Variants in SUGCT observed in about 807,000 individuals in gnomAD.
SUGCT encodes the protein succinyl-CoA:glutarate CoA-transferase.
SUGCT carries 41 observed loss-of-function variants against 55.0 expected under a neutral mutation model. The ratio of observed to expected loss-of-function variants is 0.74; its 90% confidence interval spans 0.58 to 0.97. The LOEUF (loss-of-function observed/expected upper bound fraction) is 0.97. SUGCT is among the 50% of genes least tolerant of loss of function. The pLI is 0.00. For missense variants in SUGCT, 568 were observed against 547.8 expected, an observed-to-expected ratio of 1.04 and a Z score of -0.37; for synonymous variants, 187 against 200.4, an observed-to-expected ratio of 0.93 and a Z score of 0.56.
intron 9 of SUGCT, among the ~76,000 whole-genome samples, chr7:40,335,197 G>A: frequency 6.6e-6 from 1 of 152,208 alleles, no homozygotes; most frequent in Non-Finnish European, 1.5e-5. Context: ...GATGCCTCTA[G>A]CTTTGTTCTT....
At chr7:40,850,730 T>C (rs549664940) in intron 13 of SUGCT, among the ~76,000 whole-genome samples, 1 of 152,356 alleles carries the variant, frequency 6.6e-6, no homozygotes, top group East Asian at 1.9e-4. Context: ...TTCCTTCCTT[T>C]TCCCTTCACT....
the SUGCT span, among the ~76,000 whole-genome samples, chr7:41,024,344 A>G: frequency 6.6e-6 from 1 of 152,230 alleles, no homozygotes; most frequent in Admixed American, 6.5e-5. Context: ...AGAATGATTA[A>G]TCTAACTACG....
At chr7:40,427,891 T>G (rs961396625) in intron 9 of SUGCT, among the ~76,000 whole-genome samples, 12 of 152,200 alleles carry the variant, frequency 7.9e-5, no homozygotes, top group African/African-American at 2.9e-4. Flanking sequence ...CCTATTCTGA[T>G]GCAGGGTAGG....
At chr7:40,153,191 C>T (rs909865177) in intron 1 of SUGCT, 4 of 333,204 alleles carry the variant, frequency 1.2e-5, no homozygotes, top group African/African-American at 9.0e-5. Context: ...TGTGAAACTC[C>T]AGCCATCAAA....
chr7:40,686,085 A>G (rs1202371739), intron 12 of SUGCT, among the ~76,000 whole-genome samples: 2 of 152,040 alleles, frequency 1.3e-5, no homozygotes, highest in East Asian at 3.9e-4. Flanking sequence ...TTATTTTTTT[A>G]TGATTGTAAT....
chr7:40,439,855 A>T (rs1445091359), intron 9 of SUGCT, among the ~76,000 whole-genome samples: 1 of 152,116 alleles, frequency 6.6e-6, no homozygotes, highest in Admixed American at 6.5e-5. Flanking sequence ...TTTCCTTAAC[A>T]GTTATGGAGT....
At chr7:40,304,399 T>C (rs1482984857) in intron 8 of SUGCT, among the ~76,000 whole-genome samples, 1 of 151,932 alleles carries the variant, frequency 6.6e-6, no homozygotes, top group Non-Finnish European at 1.5e-5. Flanking sequence ...CCAATTCTTT[T>C]TTTTTTAATT....
the SUGCT span, among the ~76,000 whole-genome samples, chr7:40,920,692 ATCT>A: frequency 6.6e-6 from 1 of 152,194 alleles, no homozygotes; most frequent in East Asian, 1.9e-4. Flanking sequence ...TGATTGGCAG[ATCT>A]TCTATTTGTC....
intron 13 of SUGCT, among the ~76,000 whole-genome samples, chr7:40,787,916 A>C (rs1790109413): frequency 6.6e-6 from 1 of 152,100 alleles, no homozygotes; most frequent in Non-Finnish European, 1.5e-5. Flanking sequence ...CATGGGGAGA[A>C]GGCACTTCCT....
intron 9 of SUGCT, among the ~76,000 whole-genome samples, chr7:40,375,006 A>C (rs1437743811): frequency 6.6e-6 from 1 of 152,126 alleles, no homozygotes; most frequent in Non-Finnish European, 1.5e-5. Context: ...AGTAGGAATA[A>C]AGATTGTCAC....
intron 5 of SUGCT, among the ~76,000 whole-genome samples, chr7:40,193,885 G>A (rs1286335478): frequency 2.6e-5 from 4 of 152,078 alleles, no homozygotes; most frequent in Non-Finnish European, 4.4e-5. Context: ...ATAGGTGTGA[G>A]TCACTGCACC....
At chr7:40,552,163 T>C (rs1283579311) in intron 12 of SUGCT, among the ~76,000 whole-genome samples, 1 of 152,114 alleles carries the variant, frequency 6.6e-6, no homozygotes, top group Non-Finnish European at 1.5e-5. Context: ...CTGTGATACA[T>C]TGAAAGGGAC....
chr7:40,806,944 T>G (rs1791130239), intron 13 of SUGCT, among the ~76,000 whole-genome samples: 1 of 152,258 alleles, frequency 6.6e-6, no homozygotes, highest in African/African-American at 2.4e-5. Context: ...CCTCTTTATA[T>G]ATAAGTTTCC....
At chr7:40,702,996 C>T (rs1046014863) in intron 12 of SUGCT, among the ~76,000 whole-genome samples, 2 of 151,482 alleles carry the variant, frequency 1.3e-5, no homozygotes, top group African/African-American at 2.4e-5. Flanking sequence ...CATCTAAATG[C>T]TATCTACATG....
At chr7:41,010,119 T>C in the SUGCT span, among the ~76,000 whole-genome samples, 1 of 152,192 alleles carries the variant, frequency 6.6e-6, no homozygotes, top group Non-Finnish European at 1.5e-5. Flanking sequence ...CCAGCAGAAC[T>C]TTTTCACCAT....
intron 12 of SUGCT, among the ~76,000 whole-genome samples, chr7:40,726,896 C>G (rs1489676991): frequency 6.6e-6 from 1 of 152,162 alleles, no homozygotes; most frequent in African/African-American, 2.4e-5. Flanking sequence ...GATATATAAA[C>G]AAAGCACAAC....
intron 12 of SUGCT, among the ~76,000 whole-genome samples, chr7:40,599,185 G>A (rs1798168964): frequency 1.3e-5 from 2 of 152,174 alleles, no homozygotes; most frequent in South Asian, 2.1e-4. Flanking sequence ...GCTGGTGCTC[G>A]AGATTTGCTT....
intron 12 of SUGCT, among the ~76,000 whole-genome samples, chr7:40,696,454 A>G (rs895767603): frequency 6.6e-6 from 1 of 152,152 alleles, no homozygotes; most frequent in Non-Finnish European, 1.5e-5. Context: ...GGGATAAATA[A>G]ATAATATGAA....
At chr7:40,173,887 C>T (rs1784797601) in intron 1 of SUGCT, among the ~76,000 whole-genome samples, 1 of 146,676 alleles carries the variant, frequency 6.8e-6, no homozygotes, top group South Asian at 2.1e-4. Context: ...ATTTGTATAA[C>T]ATAATTTATT....
Sources: allele counts gnomAD v4.1 joint callset (sites outside exome capture counted in the v4.1 genomes callset), GRCh38; gene constraint gnomAD v4.1.1; transcripts MANE v1.5; gene names NCBI Gene and HGNC (gene_info 2026-07-23, HGNC 2026-07-21).